FNBP1L: variants seen among roughly 807,000 people sequenced by gnomAD.
The protein encoded by FNBP1L is formin binding protein 1 like.
FNBP1L carries 36 observed loss-of-function variants against 91.2 expected under a neutral mutation model. The ratio of observed to expected loss-of-function variants is 0.39; its 90% confidence interval spans 0.30 to 0.52. FNBP1L has a LOEUF of 0.52. FNBP1L is among the 20% of genes least tolerant of loss of function. FNBP1L has a pLI of 0.66. For missense variants in FNBP1L, 571 were observed against 732.1 expected (o/e 0.78, Z 2.54); for synonymous variants, 242 against 237.0 (o/e 1.02, Z -0.19).
intron 1 of FNBP1L, among the ~76,000 whole-genome samples, chr1:93,449,627 C>T (rs1054866270): frequency 2.0e-5 from 3 of 152,148 alleles, no homozygotes; most frequent in African/African-American, 4.8e-5. Context: ...TCTTGTGCAA[C>T]ATTCTGTACA....
chr1:93,514,303 G>T (rs939968768), intron 2 of FNBP1L, among the ~76,000 whole-genome samples: 1 of 151,838 alleles, frequency 6.6e-6, no homozygotes, highest in Non-Finnish European at 1.5e-5. Context: ...CCATGCTCGT[G>T]GGTAGGAAGA....
chr1:93,529,527 GT>G (rs758312696), intron 5 of FNBP1L, 124 bp from the exon 6 acceptor site: 61 of 544,820 alleles, frequency 1.1e-4, no homozygotes, highest in Non-Finnish European at 1.8e-4. Flanking sequence ...TTCCATGGTG[GT>G]TTGCTGCACC....
chr1:93,504,847 T>C (rs1210322168), intron 2 of FNBP1L, among the ~76,000 whole-genome samples: 2 of 152,192 alleles, frequency 1.3e-5, no homozygotes, highest in African/African-American at 2.4e-5. Flanking sequence ...TTGCCAGATA[T>C]ATGATTTGCA....
chr1:93,455,004 C>T (rs1361617548), intron 1 of FNBP1L, among the ~76,000 whole-genome samples: 1 of 152,206 alleles, frequency 6.6e-6, no homozygotes, highest in Admixed American at 6.5e-5. Flanking sequence ...TCTTGGCTCA[C>T]TGCAAGCTCT....
At chr1:93,466,269 CTT>C (rs1669075376) in intron 1 of FNBP1L, among the ~76,000 whole-genome samples, 2 of 152,164 alleles carry the variant, frequency 1.3e-5, no homozygotes, top group Admixed American at 1.3e-4. Flanking sequence ...GTCATGAAGT[CTT>C]TGCCCGTGCC....
At chr1:93,459,941 A>ATGTGTGTGTGTGTGTGTGTGTG (rs34705153) in intron 1 of FNBP1L, among the ~76,000 whole-genome samples, 33 of 142,168 alleles carry the variant, frequency 2.3e-4, no homozygotes, top group Non-Finnish European at 3.7e-4. Flanking sequence ...TGGATTTCAG[A>ATGTGTGTGTGTGTGTGTGTGTG]TGTGTGTGTG....
At chr1:93,448,804 G>A (rs1308526198) in intron 1 of FNBP1L, among the ~76,000 whole-genome samples, 1 of 152,164 alleles carries the variant, frequency 6.6e-6, no homozygotes, top group Non-Finnish European at 1.5e-5. Flanking sequence ...CCCGTCTGGG[G>A]CGGCGCCGCC....
intron 1 of FNBP1L, among the ~76,000 whole-genome samples, chr1:93,488,133 TC>T (rs1331073680): frequency 1.3e-5 from 2 of 152,174 alleles, no homozygotes; most frequent in Non-Finnish European, 2.9e-5. Flanking sequence ...AACATTACCT[TC>T]GGAATATATC....
intron 1 of FNBP1L, among the ~76,000 whole-genome samples, chr1:93,450,424 A>G (rs1428313982): frequency 1.3e-5 from 2 of 152,198 alleles, no homozygotes; most frequent in Non-Finnish European, 2.9e-5. Flanking sequence ...TTTGAGGGAA[A>G]CATTTATTAG....
At chr1:93,456,463 C>A (rs1245604165) in intron 1 of FNBP1L, among the ~76,000 whole-genome samples, 1 of 152,004 alleles carries the variant, frequency 6.6e-6, no homozygotes, top group Non-Finnish European at 1.5e-5. Flanking sequence ...TGTGTCCTTG[C>A]TGCACACCCA....
chr1:93,551,238 G>T, intron 16 of FNBP1L, 133 bp downstream of exon 16: 1 of 1,388,754 alleles, frequency 7.2e-7, no homozygotes, highest in Non-Finnish European at 9.4e-7. Context: ...AAGATTAATT[G>T]TTCACTATGT....
intron 5 of FNBP1L, 64 bp downstream of exon 5, chr1:93,524,387 T>C (rs1671429705): frequency 1.7e-6 from 2 of 1,157,724 alleles, no homozygotes; most frequent in South Asian, 1.9e-5. Context: ...CTAAATACTT[T>C]TATGCTTCAT....
intron 2 of FNBP1L, among the ~76,000 whole-genome samples, chr1:93,518,332 T>A (rs1671202571): frequency 6.6e-6 from 1 of 152,332 alleles, no homozygotes; most frequent in South Asian, 2.1e-4. Flanking sequence ...TTCAAGATAT[T>A]ACGGTAGCTT....
intron 1 of FNBP1L, among the ~76,000 whole-genome samples, chr1:93,491,748 A>G (rs1422572441): frequency 6.6e-6 from 1 of 152,124 alleles, no homozygotes; most frequent in Non-Finnish European, 1.5e-5. Context: ...GCTTTTATTT[A>G]TTTTAAAAGT....
intron 2 of FNBP1L, among the ~76,000 whole-genome samples, chr1:93,514,661 T>C (rs534793862): frequency 2.6e-5 from 4 of 151,970 alleles, no homozygotes; most frequent in African/African-American, 4.8e-5. Context: ...AAAACAAGCA[T>C]TGGGGAAAGG....
chr1:93,486,162 T>C (rs1277874898), intron 1 of FNBP1L, among the ~76,000 whole-genome samples: 3 of 152,228 alleles, frequency 2.0e-5, no homozygotes, highest in Non-Finnish European at 4.4e-5. Flanking sequence ...GAGTTTTTAG[T>C]ATACTAAAAG....
At chr1:93,529,493 A>T (rs936484629) in intron 5 of FNBP1L, among the ~76,000 whole-genome samples, 159 bp from the exon 6 acceptor site, 2 of 152,110 alleles carry the variant, frequency 1.3e-5, no homozygotes, top group East Asian at 3.8e-4. Context: ...CAGGACGTGC[A>T]GGTTTGTTAC....
chr1:93,471,105 G>T lies in FNBP1L; in HGVS notation c.24+22800G>T, dbSNP rs969672166. On this transcript the variant is annotated intron_variant, in intron 1 of 16. Coordinates refer to ENST00000271234, the MANE Select transcript of FNBP1L (RefSeq NM_001164473.3). ...TTTATATTGTAGCTACAAGTTGAGT[G>T]TTCCTTATCCAAAATGCTTAGGACC... Among the ~76,000 whole-genome samples the T allele has an allele frequency of 3.1e-4, 47 of 152,128 alleles. 1 individual carries two copies. The highest frequency in any genetic ancestry group is 4.4e-5 in the Non-Finnish European group (3 of 68,020).
intron 1 of FNBP1L, among the ~76,000 whole-genome samples, chr1:93,490,512 G>C (rs1326967645): frequency 1.3e-5 from 2 of 152,132 alleles, no homozygotes; most frequent in Non-Finnish European, 2.9e-5. Flanking sequence ...TTTCACACAA[G>C]CTATGGTAAG....
Sources: allele counts gnomAD v4.1 joint callset (sites outside exome capture counted in the v4.1 genomes callset), GRCh38; gene constraint gnomAD v4.1.1; transcripts MANE v1.5; gene names NCBI Gene and HGNC (gene_info 2026-07-23, HGNC 2026-07-21).